The following ANGPT2 variants were observed in gnomAD, a reference collection of about 807,000 sequenced individuals.
ANGPT2 encodes angiopoietin 2.
ANGPT2 carries 28 observed loss-of-function variants against 62.9 expected under a neutral mutation model. The ratio of observed to expected loss-of-function variants is 0.44; its 90% CI spans 0.33 to 0.61. ANGPT2 has a LOEUF of 0.61. Among genes scored for constraint, ANGPT2 ranks in the 20% least tolerant of loss-of-function variants. ANGPT2 has a pLI of 0.03. For synonymous variants in ANGPT2, 284 were observed against 207.8 expected, an observed-to-expected ratio of 1.37 and a Z score of -3.15; for missense variants, 727 against 594.9, an observed-to-expected ratio of 1.22 and a Z score of -2.31.
chr8:6,524,680 A>G (rs1006369709), intron 3 of ANGPT2, among the ~76,000 whole-genome samples: 11 of 152,252 alleles, frequency 7.2e-5, no homozygotes, highest in African/African-American at 2.7e-4. Flanking sequence ...GCCTGCGGAA[A>G]TTTAGATGTT....
chr8:6,553,336 T>A (rs1215343970), intron 1 of ANGPT2, among the ~76,000 whole-genome samples: 3 of 152,154 alleles, frequency 2.0e-5, no homozygotes, highest in African/African-American at 7.2e-5. Context: ...CAACAAAATG[T>A]TATTGTGTAC....
At position 6,499,685 on chromosome 8, in the gene ANGPT2, C is replaced by A; in HGVS notation, c.*3416G>T. ...ATCAACTTTTTATTAATATTCATAA[C>A]ATTTATGCAACATGAAGATTCTGAA... On this transcript the variant is annotated 3_prime_UTR_variant, in exon 9 of 9. Coordinates refer to ENST00000629816, the MANE Select transcript of ANGPT2 (RefSeq NM_001118887.2). 1 of 620,438 alleles carries A rather than the reference C, an allele frequency of 1.6e-6. No individual in the cohort carries two copies. Among genetic ancestry groups the A allele is most frequent in the South Asian group, 1.9e-5 (1 of 52,822 alleles). 38.4% of individuals were successfully genotyped at this position (620,438 alleles called of 1,614,324 possible).
intron 8 of ANGPT2, among the ~76,000 whole-genome samples, chr8:6,505,339 A>AAT (rs1168944488): frequency 9.7e-5 from 5 of 51,330 alleles, no homozygotes; most frequent in African/African-American, 5.6e-4. Context: ...ATATAGAAAG[A>AAT]ATATATATAT....
At chr8:6,509,337 C>T (rs1199659628) in intron 7 of ANGPT2, among the ~76,000 whole-genome samples, 1 of 152,220 alleles carries the variant, frequency 6.6e-6, no homozygotes, top group Admixed American at 6.5e-5. Flanking sequence ...AATTTATTTT[C>T]CTGCTGCTTT....
intron 1 of ANGPT2, among the ~76,000 whole-genome samples, chr8:6,534,703 A>T (rs532783996): frequency 2.0e-5 from 3 of 152,226 alleles, no homozygotes; most frequent in African/African-American, 7.2e-5. Flanking sequence ...AACCATCTCT[A>T]TTATAGGCTT....
chr8:6,539,235 C>T (rs868362276), intron 1 of ANGPT2, among the ~76,000 whole-genome samples: 1 of 152,234 alleles, frequency 6.6e-6, no homozygotes, highest in Non-Finnish European at 1.5e-5. Context: ...TTCACATGCC[C>T]TGTGACGTGG....
Position 6,521,508 on chromosome 8 carries a change from T to C in ANGPT2, c.567-98A>G, listed in dbSNP as rs1259476634. 1.1e-5 allele frequency: 10 copies of C among 885,354 alleles called. No individual in the cohort carries two copies. The Admixed American group carries it at 1.2e-4, about 10-fold the overall frequency. 54.8% of individuals were successfully genotyped at this position (885,354 alleles called of 1,614,324 possible). ...TTCTCCAAGGTACTCTGTTAAGATA[T>C]TGTAGTGGTTATAAAGTAATATGAT... On this transcript the variant is annotated intron_variant, in intron 3 of 8. Transcript: ENST00000629816.
Position 6,503,229 on chromosome 8 carries a change from A to G in ANGPT2, c.1360T>C (p.Leu454=). 1 of 1,614,170 alleles carries G rather than the reference A, an allele frequency of 6.2e-7. No individual in the cohort carries two copies. Among genetic ancestry groups the G allele is most frequent in the African/African-American group, 1.3e-5 (1 of 75,040 alleles). Residue 454 remains leucine (L), a synonymous_variant, in exon 9 of 9, where the codon TTG becomes CTG. Transcript: ENST00000629816. The stretch of plus-strand genomic sequence containing the variant: ...CTCTGTGGATAGTACATTCCGTTCA[A>G]GTTGGAAGGACCACATGCATCAAAC... ...WWFDACGPSN[L]NGMYYPQRQN...
At chr8:6,534,174 C>G (rs926245934) in intron 1 of ANGPT2, among the ~76,000 whole-genome samples, 3 of 151,914 alleles carry the variant, frequency 2.0e-5, no homozygotes, top group Admixed American at 6.6e-5. Flanking sequence ...GCCTCCACAT[C>G]TACGGGTTCA....
chr8:6,540,494 A>G (rs1470334994), intron 1 of ANGPT2, among the ~76,000 whole-genome samples: 5 of 152,218 alleles, frequency 3.3e-5, no homozygotes, highest in Non-Finnish European at 5.9e-5. Flanking sequence ...TATTTACCAG[A>G]TGTCTGTGAG....
At chr8:6,505,677 T>C (rs188401750) in intron 8 of ANGPT2, among the ~76,000 whole-genome samples, 1,540 of 124,126 alleles carry the variant, frequency 0.012, 34 homozygotes, top group African/African-American at 0.042. Flanking sequence ...ATATATACTT[T>C]ACATATATAG....
At chr8:6,561,664 A>G (rs986045653) in intron 1 of ANGPT2, among the ~76,000 whole-genome samples, 15 of 152,254 alleles carry the variant, frequency 9.9e-5, no homozygotes, top group Admixed American at 9.2e-4. Context: ...TCATCATGCT[A>G]CTTAACAATT....
chr8:6,522,596 A>G (rs1373546842), intron 3 of ANGPT2, among the ~76,000 whole-genome samples: 1 of 151,936 alleles, frequency 6.6e-6, no homozygotes, highest in Admixed American at 6.6e-5. Context: ...CAACATGGTG[A>G]AACCCTCTCT....
chr8:6,531,282 TTTCTTTCTTTC>T (rs1819458506), intron 2 of ANGPT2, among the ~76,000 whole-genome samples: 1 of 149,406 alleles, frequency 6.7e-6, no homozygotes. Flanking sequence ...AGTTTCTTTC[TTTCTTTCTTTC>T]TTTTTTTTTT....
At chr8:6,514,369 T>C (rs141926611) in intron 6 of ANGPT2, among the ~76,000 whole-genome samples, 76 of 152,286 alleles carry the variant, frequency 5.0e-4, no homozygotes, top group African/African-American at 1.6e-3. Context: ...TTTGTATTTT[T>C]AGTAGATACA....
intron 6 of ANGPT2, among the ~76,000 whole-genome samples, chr8:6,514,222 C>G (rs1380703364): frequency 6.6e-6 from 1 of 152,172 alleles, no homozygotes; most frequent in African/African-American, 2.4e-5. Context: ...GAGAGTCTTA[C>G]TCTGTTGCCC....
intron 5 of ANGPT2, among the ~76,000 whole-genome samples, chr8:6,516,911 C>G (rs1816375316): frequency 6.6e-6 from 1 of 152,122 alleles, no homozygotes; most frequent in African/African-American, 2.4e-5. Flanking sequence ...ACTGCCAGCA[C>G]ATAAATGATT....
chr8:6,525,561 T>A (rs1223549580), intron 3 of ANGPT2, among the ~76,000 whole-genome samples: 1 of 152,188 alleles, frequency 6.6e-6, no homozygotes, highest in Non-Finnish European at 1.5e-5. Context: ...GCAATTGCAC[T>A]TTTGGGGAAT....
intron 1 of ANGPT2, among the ~76,000 whole-genome samples, chr8:6,538,262 A>G (rs1296453783): frequency 1.3e-5 from 2 of 151,922 alleles, no homozygotes; most frequent in Non-Finnish European, 2.9e-5. Context: ...AGATATTGCA[A>G]CCATCTGTCT....
Sources: allele counts gnomAD v4.1 joint callset (sites outside exome capture counted in the v4.1 genomes callset), GRCh38; gene constraint gnomAD v4.1.1; transcripts MANE v1.5; gene names NCBI Gene and HGNC (gene_info 2026-07-23, HGNC 2026-07-21).